The following SLC34A1 variants were observed in gnomAD, a reference collection of about 807,000 sequenced individuals.
The protein encoded by SLC34A1 is sodium-dependent phosphate transport protein 2A.
Under a neutral mutation model 51.4 loss-of-function variants are expected in SLC34A1, and 57 were observed. The observed-to-expected ratio is 1.11, with a 90% CI of 0.90 to 1.38. The LOEUF is 1.38. SLC34A1 is among the 40% of genes most tolerant of loss of function. SLC34A1 has a pLI of 0.00. For synonymous variants in SLC34A1, 368 were observed against 358.0 expected (o/e 1.03, Z -0.32); for missense variants, 796 against 835.6 (o/e 0.95, Z 0.58).
chr5:177,392,018 TC>T (rs2127351704), intron 8 of SLC34A1, among the ~76,000 whole-genome samples: 1 of 152,344 alleles, frequency 6.6e-6, no homozygotes, highest in South Asian at 2.1e-4. Context: ...GCCTATTTTT[TC>T]CAGGCTTCTT....
intron 8 of SLC34A1, chr5:177,389,506 A>T: frequency 9.0e-7 from 1 of 1,109,822 alleles, no homozygotes; most frequent in South Asian, 1.5e-5. Flanking sequence ...AAGCAGCCTT[A>T]CATAAAAAAA....
chr5:177,394,366 C>G (rs2127353378), intron 10 of SLC34A1, among the ~76,000 whole-genome samples, 171 bp downstream of exon 10: 1 of 152,318 alleles, frequency 6.6e-6, no homozygotes, highest in East Asian at 1.9e-4. Context: ...CAGCTGGAGA[C>G]CTGTGGCCGC....
chr5:177,386,624 G>C lies in SLC34A1; in HGVS notation c.532+58G>C, dbSNP rs1762584658. On this transcript the variant is annotated intron_variant, in intron 5 of 12. Transcript: ENST00000324417. The surrounding 1 kb of genome is among the most constrained non-coding windows in gnomAD (Gnocchi z 4.8). ...GGAGGGGCACCCCAGGAGCTGGGAAGGGTGGCAAATGGGGAGCGTGACCCC... is the reference window on the plus strand; with the variant it reads ...GGAGGGGCACCCCAGGAGCTGGGAACGGTGGCAAATGGGGAGCGTGACCCC... 1 of 1,606,068 alleles carries C rather than the reference G, an allele frequency of 6.2e-7. No individual in the cohort carries two copies. Among genetic ancestry groups the C allele is most frequent in the African/African-American group, 1.3e-5 (1 of 74,962 alleles).
rs200907491 is a variant in SLC34A1 at position 177,397,912 on chromosome 5, G to A, written c.1546G>A (p.Val516Ile). ...CACGGCCAAGTACCGCTGGTTTGCC[G>A]TCCTCTATCTCCTTGTCTGCTTCCT... ...KRTAKYRWFA[V>I]LYLLVCFLLL... The change falls in exon 13 of 13, where the codon GTC (valine) becomes ATC (isoleucine). Residue 516 changes from valine (V) to isoleucine (I), a missense_variant. By Grantham distance (29) the Val-to-Ile change is conservative. Coordinates refer to ENST00000324417, the MANE Select transcript of SLC34A1 (RefSeq NM_003052.5). 8.3e-5 allele frequency: 134 copies of A among 1,613,994 alleles called. No individual in the cohort carries two copies. The highest frequency in any genetic ancestry group is 1.2e-4 in the African/African-American group (9 of 75,044).
chr5:177,398,508 G>A lies in SLC34A1; in HGVS notation c.*222G>A. Reference sequence around the variant, plus strand: ...CTGTCATGTGTAGAAGCTTGTATTTGTGTACAGGTGTGCCAGCCCATGCAG... The same window carrying A: ...CTGTCATGTGTAGAAGCTTGTATTTATGTACAGGTGTGCCAGCCCATGCAG... On this transcript the variant is annotated 3_prime_UTR_variant, in exon 13 of 13. Coordinates refer to ENST00000324417, the MANE Select transcript of SLC34A1 (RefSeq NM_003052.5). The surrounding 1 kb of genome is among the most constrained non-coding windows in gnomAD (Gnocchi z 4.7). 1 of 629,854 alleles carries A rather than the reference G, an allele frequency of 1.6e-6. No individual in the cohort carries two copies. The highest frequency in any genetic ancestry group is 2.9e-6 in the Non-Finnish European group (1 of 347,008). 39.0% of individuals were successfully genotyped at this position (629,854 alleles called of 1,614,324 possible). A position where few individuals can be genotyped will look rare whatever the true frequency, so the allele number is the denominator to read the frequency against.
rs1445092148 is a variant in SLC34A1 at position 177,388,113 on chromosome 5, T to C, written c.764T>C (p.Phe255Ser). The change falls in exon 7 of 13, where the codon TTC becomes TCC. Residue 255 changes from phenylalanine to serine, a missense_variant. Coordinates refer to ENST00000324417, the MANE Select transcript of SLC34A1 (RefSeq NM_003052.5). The surrounding 1 kb of genome is among the most constrained non-coding windows in gnomAD (Gnocchi z 4.3). ...HHITRLVVAS[F>S]NIHGGRDAPD... ...ATCACTCGACTTGTGGTGGCCTCCTTCAACATCCATGGTGGCCGTGATGCT... is the reference window on the plus strand; with the variant it reads ...ATCACTCGACTTGTGGTGGCCTCCTCCAACATCCATGGTGGCCGTGATGCT... 16 of 1,614,020 alleles carry C rather than the reference T, an allele frequency of 9.9e-6. No individual in the cohort carries two copies. Among genetic ancestry groups the C allele is most frequent in the Non-Finnish European group, 1.3e-5 (15 of 1,180,024 alleles).
At position 177,388,812 on chromosome 5, in the gene SLC34A1, C is replaced by A. The variant is rs1762695070; in HGVS notation, c.936+440C>A. Among the ~76,000 whole-genome samples, 1 of 152,128 alleles carries A rather than the reference C, an allele frequency of 6.6e-6. No homozygotes were observed. Among genetic ancestry groups the A allele is most frequent in the East Asian group, 1.9e-4 (1 of 5,202 alleles). ...GATCCAGCGCAACCCTTGGGTTTCACAGGTAGAGACACAGGTTCAGAGAGG... is the reference window on the plus strand; with the variant it reads ...GATCCAGCGCAACCCTTGGGTTTCAAAGGTAGAGACACAGGTTCAGAGAGG... On this transcript the variant is annotated intron_variant, in intron 8 of 12. Transcript: ENST00000324417. This position sits in a 1 kb window ranked among gnomAD's most constrained non-coding sequence, Gnocchi z 4.3.
chr5:177,398,635 A>G lies in SLC34A1; in HGVS notation c.*349A>G, dbSNP rs566318269. On this transcript the variant is annotated 3_prime_UTR_variant, in exon 13 of 13. Coordinates refer to ENST00000324417, the MANE Select transcript of SLC34A1 (RefSeq NM_003052.5). This position sits in a 1 kb window ranked among gnomAD's most constrained non-coding sequence, Gnocchi z 4.7. ...TGTACACATGACTAGGATAGGCAGGAGTAAGGGTGGGTCTGGGTATATGAC... is the reference window on the plus strand; with the variant it reads ...TGTACACATGACTAGGATAGGCAGGGGTAAGGGTGGGTCTGGGTATATGAC... 6.5e-5 allele frequency: 28 copies of G among 428,522 alleles called. No homozygotes were observed. The highest frequency in any genetic ancestry group is 4.6e-4 in the African/African-American group (23 of 49,790). The allele number at this position is 428,522 out of a possible 1,614,324, so 26.5% of individuals were successfully genotyped here.
chr5:177,386,193 C>G lies in SLC34A1; in HGVS notation c.260-28C>G. On this transcript the variant is annotated intron_variant, in intron 3 of 12. Coordinates refer to ENST00000324417, the MANE Select transcript of SLC34A1 (RefSeq NM_003052.5). The surrounding 1 kb of genome is among the most constrained non-coding windows in gnomAD (Gnocchi z 4.8). Reference sequence around the variant, plus strand: ...AGCAGTCCCTGCCCTGGCCTCTGCCCACTATGCTCATGGCTTCCCCCATCC... The same window carrying G: ...AGCAGTCCCTGCCCTGGCCTCTGCCGACTATGCTCATGGCTTCCCCCATCC... 2 of 1,614,108 alleles carry G rather than the reference C, an allele frequency of 1.2e-6. No individual in the cohort carries two copies. Among genetic ancestry groups the G allele is most frequent in the Non-Finnish European group, 1.7e-6 (2 of 1,180,028 alleles).
At chr5:177,392,228 G>A (rs1289368938) in intron 8 of SLC34A1, among the ~76,000 whole-genome samples, 1 of 152,230 alleles carries the variant, frequency 6.6e-6, no homozygotes, top group East Asian at 1.9e-4. Context: ...TTGGGAGGCC[G>A]AGGTGGGTGA....
Position 177,386,064 on chromosome 5 carries a change from C to T in SLC34A1, c.187C>T (p.Pro63Ser). The change falls in exon 3 of 13, where the codon CCC (proline) becomes TCC (serine). Residue 63 changes from proline to serine, a missense_variant. Physicochemically the swap from Pro to Ser is moderately conservative, Grantham distance 74. Transcript: ENST00000324417. This position sits in a 1 kb window ranked among gnomAD's most constrained non-coding sequence, Gnocchi z 4.8. ...GPVALAEHTC[P>S]CGEVLERHEP... ...TGTGGCCCTTGCTGAGCACACCTGC[C>T]CCTGTGGGGAGGTCCTGGAGCGCCA... The T allele has an allele frequency of 6.2e-7, 1 of 1,611,414 alleles. No homozygotes were observed. The highest frequency in any genetic ancestry group is 8.5e-7 in the Non-Finnish European group (1 of 1,178,480).
In SLC34A1 at chr5:177,396,933, T is replaced by G. The variant is rs1220878573; in HGVS notation, c.1292-17T>G. 2 of 1,614,080 alleles carry G rather than the reference T, an allele frequency of 1.2e-6. No individual in the cohort carries two copies. Among genetic ancestry groups the G allele is most frequent in the Admixed American group, 3.3e-5 (2 of 60,018 alleles). On this transcript the variant is annotated splice_polypyrimidine_tract_variant and intron_variant, in intron 11 of 12. Coordinates refer to ENST00000324417, the MANE Select transcript of SLC34A1 (RefSeq NM_003052.5). The surrounding 1 kb of genome is among the most constrained non-coding windows in gnomAD (Gnocchi z 4.0). ...AGGAGACGCTGGGGGTCCCACTTCC[T>G]CTCCCTCTGTCCCCAGGTCTTGGTG...
chr5:177,397,389 G>C, intron 12 of SLC34A1: 1 of 490,300 alleles, frequency 2.0e-6, no homozygotes, highest in Non-Finnish European at 3.7e-6. Flanking sequence ...CGGGGGTCAA[G>C]GCCGCAAATG....
rs1190393051 is a variant in SLC34A1 at position 177,386,644 on chromosome 5, G to A, written c.532+78G>A. The A allele has an allele frequency of 6.5e-7, 1 of 1,544,462 alleles. No homozygotes were observed. Among genetic ancestry groups the A allele is most frequent in the Non-Finnish European group, 8.9e-7 (1 of 1,125,086 alleles). On this transcript the variant is annotated intron_variant, in intron 5 of 12. Transcript: ENST00000324417. The surrounding 1 kb of genome is among the most constrained non-coding windows in gnomAD (Gnocchi z 4.8). ...GGGAAGGGTGGCAAATGGGGAGCGTGACCCCAGTAAGGCTGGCCTCCATTC... is the reference window on the plus strand; with the variant it reads ...GGGAAGGGTGGCAAATGGGGAGCGTAACCCCAGTAAGGCTGGCCTCCATTC...
At chr5:177,390,954 A>G (rs1396136100) in intron 8 of SLC34A1, among the ~76,000 whole-genome samples, 2 of 152,174 alleles carry the variant, frequency 1.3e-5, no homozygotes, top group African/African-American at 4.8e-5. Flanking sequence ...GAGGAAACTG[A>G]GGCCCAGAGA....
Position 177,386,215 on chromosome 5 carries a change from A to G in SLC34A1, c.260-6A>G. On this transcript the variant is annotated splice_polypyrimidine_tract_variant and splice_region_variant and intron_variant, in intron 3 of 12. Coordinates refer to ENST00000324417, the MANE Select transcript of SLC34A1 (RefSeq NM_003052.5). This position sits in a 1 kb window ranked among gnomAD's most constrained non-coding sequence, Gnocchi z 4.8. ...GCCCACTATGCTCATGGCTTCCCCC[A>G]TCCAGAGTCCAGGCTGGTCCCCAAG... 6.2e-7 allele frequency: 1 copy of G among 1,614,090 alleles called. No homozygotes were observed. The highest frequency in any genetic ancestry group is 8.5e-7 in the Non-Finnish European group (1 of 1,180,004).
intron 10 of SLC34A1, among the ~76,000 whole-genome samples, chr5:177,394,425 GT>G: frequency 6.6e-6 from 1 of 152,354 alleles, no homozygotes; most frequent in South Asian, 2.1e-4. Flanking sequence ...AAGGACCATT[GT>G]TTGATTCAAT....
Position 177,386,068 on chromosome 5 carries a change from G to A in SLC34A1, c.191G>A (p.Cys64Tyr), listed in dbSNP as rs764773232. ...GCCCTTGCTGAGCACACCTGCCCCTGTGGGGAGGTCCTGGAGCGCCATGAA... is the reference window on the plus strand; with the variant it reads ...GCCCTTGCTGAGCACACCTGCCCCTATGGGGAGGTCCTGGAGCGCCATGAA... ...PVALAEHTCP[C>Y]GEVLERHEPL... The change falls in exon 3 of 13, where the codon TGT (cysteine) becomes TAT (tyrosine). Residue 64 changes from cysteine (C) to tyrosine (Y), a missense_variant. Cys to Tyr is a radical substitution (Grantham distance 194). Transcript: ENST00000324417. This position sits in a 1 kb window ranked among gnomAD's most constrained non-coding sequence, Gnocchi z 4.8. The A allele has an allele frequency of 1.0e-4, 162 of 1,611,708 alleles. 2 individuals carry two copies. The highest frequency in any genetic ancestry group is 3.3e-4 in the Middle Eastern group (2 of 6,078).
rs771744876 is a variant in SLC34A1, at chr5:177,398,137, C to A, written c.1771C>A (p.His591Asn). The A allele has an allele frequency of 6.2e-7, 1 of 1,611,266 alleles. No individual in the cohort carries two copies. ...GATGCACTCCCTGAAGCCCCTGGACCACCTCATCACCCGCGCCACCCTATG... is the reference window on the plus strand; with the variant it reads ...GATGCACTCCCTGAAGCCCCTGGACAACCTCATCACCCGCGCCACCCTATG... Reference protein sequence around the residue: ...RWMHSLKPLDHLITRATLCCA... With the variant: ...RWMHSLKPLDNLITRATLCCA... Residue 591 changes from histidine (H) to asparagine (N), a missense_variant, in exon 13 of 13, where the codon CAC becomes AAC. His to Asn is a moderately conservative substitution (Grantham distance 68, BLOSUM62 1). Coordinates refer to ENST00000324417, the MANE Select transcript of SLC34A1 (RefSeq NM_003052.5). This position sits in a 1 kb window ranked among gnomAD's most constrained non-coding sequence, Gnocchi z 4.7.
Sources: allele counts gnomAD v4.1 joint callset (sites outside exome capture counted in the v4.1 genomes callset), GRCh38; gene constraint gnomAD v4.1.1; non-coding constraint Gnocchi (gnomAD v3.1); transcripts MANE v1.5; gene names NCBI Gene and HGNC (gene_info 2026-07-23, HGNC 2026-07-21).